Variants in TMEM114 observed in about 807,000 individuals in gnomAD.
The protein encoded by TMEM114 is transmembrane protein 114.
TMEM114 carries 6 observed loss-of-function variants against 6.2 expected under a neutral mutation model. The observed-to-expected ratio is 0.97, with a 90% confidence interval of 0.53 to 1.91. The LOEUF (loss-of-function observed/expected upper bound fraction) is 1.91, where lower values mean the gene tolerates loss of function less well. Among genes scored for constraint, TMEM114 ranks in the 40% most tolerant of loss-of-function variants. The pLI, the probability that TMEM114 is intolerant of heterozygous loss-of-function variation, is 0.01. For synonymous variants in TMEM114, 104 were observed against 73.0 expected (o/e 1.42, Z -2.16); for missense variants, 218 against 158.3 (o/e 1.38, Z -2.02).
chr16:8,527,801 C>G, the TMEM114 span, among the ~76,000 whole-genome samples: 45 of 152,174 alleles, frequency 3.0e-4, no homozygotes, highest in Non-Finnish European at 4.1e-4. Context: ...CTGTCTCCCC[C>G]CAATACAGGA....
chr16:8,583,411 C>G (rs543132590), intron 2 of TMEM114, among the ~76,000 whole-genome samples: 1 of 152,268 alleles, frequency 6.6e-6, no homozygotes, highest in Non-Finnish European at 1.5e-5. Flanking sequence ...CTCATTTCAT[C>G]TTAGAACAGC....
the TMEM114 span, among the ~76,000 whole-genome samples, chr16:8,529,332 C>T: frequency 6.6e-6 from 1 of 152,182 alleles, no homozygotes; most frequent in Admixed American, 6.5e-5. Flanking sequence ...CATCTGAGAC[C>T]GTTGGCCTAG....
downstream of TMEM114, among the ~76,000 whole-genome samples, chr16:8,568,140 A>T (rs993245801): frequency 2.0e-5 from 3 of 152,164 alleles, no homozygotes; most frequent in African/African-American, 7.2e-5. Context: ...TTAACCTGCC[A>T]GTGCCTCAGT....
At chr16:8,541,156 A>T (rs8047415) in intron 2 of TMEM114, among the ~76,000 whole-genome samples, 3 of 152,186 alleles carry the variant, frequency 2.0e-5, no homozygotes, top group African/African-American at 7.2e-5. Flanking sequence ...ATTATATCAT[A>T]TCGTCTAAAC....
chr16:8,578,354 G>C (rs553576333), intron 2 of TMEM114, among the ~76,000 whole-genome samples: 1 of 152,088 alleles, frequency 6.6e-6, no homozygotes, highest in African/African-American at 2.4e-5. Context: ...CCTGGGAGCC[G>C]TTGGCAATCT....
chr16:8,570,336 G>C (rs200030968), intron 3 of TMEM114, among the ~76,000 whole-genome samples: 1 of 144,044 alleles, frequency 6.9e-6, no homozygotes, highest in Non-Finnish European at 1.5e-5. Context: ...TTTTTTTTTA[G>C]ACAGAGTCTC....
chr16:8,569,083 C>G (rs531115532), downstream of TMEM114, among the ~76,000 whole-genome samples: 3 of 152,310 alleles, frequency 2.0e-5, no homozygotes, highest in African/African-American at 7.2e-5. Flanking sequence ...CCCATAGAGT[C>G]TGGGGCGCGC....
chr16:8,562,304 GTAAATGAGTGAGTGAGGGAGGGAGGGAA>G (rs1901266016), intron 2 of TMEM114, among the ~76,000 whole-genome samples: 1 of 145,046 alleles, frequency 6.9e-6, no homozygotes, highest in Non-Finnish European at 1.5e-5. Flanking sequence ...GAATGAGTGA[GTAAATGAGTGAGTGAGGGAGGGAGGGAA>G]TGAGTGAATG....
At chr16:8,529,043 G>A in the TMEM114 span, among the ~76,000 whole-genome samples, 1 of 152,200 alleles carries the variant, frequency 6.6e-6, no homozygotes, top group Non-Finnish European at 1.5e-5. Flanking sequence ...GGTGGGAAAG[G>A]CACTCTCAGA....
intron 2 of TMEM114, among the ~76,000 whole-genome samples, chr16:8,546,141 A>G: frequency 6.6e-6 from 1 of 152,242 alleles, no homozygotes; most frequent in East Asian, 1.9e-4. Flanking sequence ...TTCAAAATGA[A>G]TAAAACAATT....
rs144449202 is a variant in TMEM114, at chr16:8,561,461, C to T, written n.213-23635G>A. 5.6e-3 allele frequency among the ~76,000 whole-genome samples: 855 copies of T among 152,352 alleles called. 10 individuals are homozygous for T. Among genetic ancestry groups the T allele is most frequent in the African/African-American group, 0.02 (818 of 41,586 alleles). ...TGTCATACCCGTGCACTCATACACA[C>T]ACATGCACAGACCCCAGAATGTCAG... is the stretch of plus-strand genomic sequence containing the variant. On this transcript the variant is annotated intron_variant and non_coding_transcript_variant, in intron 2 of 2. Transcript: ENST00000623677.
rs925604195 is a variant in TMEM114 at position 8,560,236 on chromosome 16, G to T, written n.213-22410C>A. On this transcript the variant is annotated intron_variant and non_coding_transcript_variant, in intron 2 of 2. Coordinates refer to the TMEM114 transcript ENST00000623677. The stretch of plus-strand genomic sequence containing the variant: ...TGGGCTCAAACTCCTGGGCTCAAGC[G>T]ATCCTCCTGTCTTGGCCTTCTAAAT... 2.0e-5 allele frequency among the ~76,000 whole-genome samples: 3 copies of T among 151,950 alleles called. No individual in the cohort carries two copies. The East Asian group carries it at 5.8e-4, about 29-fold the overall frequency.
Position 8,577,064 on chromosome 16 carries a change from T to G in TMEM114, c.302-4840A>C, listed in dbSNP as rs1481244998. ...TATTTAGAGTCAGACCTGAGCGTGGTTCTTACTAGCCATGTGACTTCAGAG... is the reference window on the plus strand; with the variant it reads ...TATTTAGAGTCAGACCTGAGCGTGGGTCTTACTAGCCATGTGACTTCAGAG... On this transcript the variant is annotated intron_variant, in intron 2 of 3. Transcript: ENST00000620492. 2.0e-5 allele frequency among the ~76,000 whole-genome samples: 3 copies of G among 152,326 alleles called. No individual in the cohort carries two copies. In the East Asian group the frequency reaches 5.8e-4, roughly 29 times the overall value.
At chr16:8,583,044 C>T (rs1418479795) in intron 2 of TMEM114, among the ~76,000 whole-genome samples, 7 of 152,190 alleles carry the variant, frequency 4.6e-5, no homozygotes, top group Non-Finnish European at 1.0e-4. Flanking sequence ...AGATATCATA[C>T]CTGACTTCTC....
At chr16:8,543,257 A>G (rs931177783) in intron 2 of TMEM114, among the ~76,000 whole-genome samples, 2 of 152,100 alleles carry the variant, frequency 1.3e-5, no homozygotes, top group African/African-American at 4.8e-5. Context: ...TAAACACATA[A>G]TTTAGACTAT....
chr16:8,577,437 C>T (rs116172120), intron 2 of TMEM114, among the ~76,000 whole-genome samples: 151 of 152,336 alleles, frequency 9.9e-4, no homozygotes, highest in African/African-American at 3.5e-3. Context: ...GACACTCTTA[C>T]TCACCATGTG....
chr16:8,563,997 A>ATGAG (rs1302070419), intron 2 of TMEM114, among the ~76,000 whole-genome samples: 1 of 142,836 alleles, frequency 7.0e-6, no homozygotes, highest in African/African-American at 2.7e-5. Context: ...GCGGGAGGGA[A>ATGAG]TGAGTGAGTG....
the TMEM114 span, among the ~76,000 whole-genome samples, chr16:8,530,533 G>C: frequency 6.6e-6 from 1 of 151,556 alleles, no homozygotes; most frequent in African/African-American, 2.4e-5. Context: ...GAAAGAAGGA[G>C]ACAGGGAAGG....
downstream of TMEM114, among the ~76,000 whole-genome samples, chr16:8,566,408 G>C (rs1901547925): frequency 6.7e-6 from 1 of 149,668 alleles, no homozygotes; most frequent in Non-Finnish European, 1.5e-5. Context: ...GAACAGAACA[G>C]GTCAGAATAG....
Sources: gnomAD v4.1 joint callset for allele counts (sites outside exome capture counted in the v4.1 genomes callset) on GRCh38, gnomAD v4.1.1 for gene constraint, MANE v1.5 for transcripts, NCBI Gene and HGNC (gene_info 2026-07-23, HGNC 2026-07-21) for gene names.